SYNE2: variants seen among roughly 807,000 people sequenced by gnomAD.
SYNE2 encodes spectrin repeat containing nuclear envelope protein 2.
SYNE2 carries 431 observed loss-of-function variants against 856.3 expected under a neutral mutation model. The ratio of observed to expected loss-of-function variants is 0.50; its 90% CI spans 0.47 to 0.55. SYNE2 has a LOEUF of 0.55. SYNE2 is among the 20% of genes least tolerant of loss of function. The pLI is 0.00. For synonymous variants in SYNE2, 2,923 were observed against 2,872.3 expected (o/e 1.02, Z -0.56); for missense variants, 8,129 against 8,023.2 (o/e 1.01, Z -0.50).
At position 64,225,710 on chromosome 14, in the gene SYNE2, C is replaced by T. The variant is rs1443161065; in HGVS notation, c.*184C>T. ...GCAGCTTTCAGATTGTGTTCCTCCC[C>T]AGGAGCAGGGAACCTGTGTGGCAGG... On this transcript the variant is annotated 3_prime_UTR_variant, in exon 116 of 116. Transcript: ENST00000555002. 2 of 686,894 alleles carry T rather than the reference C, an allele frequency of 2.9e-6. No individual in the cohort carries two copies. The highest frequency in any genetic ancestry group is 1.8e-5 in the African/African-American group (1 of 56,234). The allele number at this position is 686,894 out of a possible 1,614,324, so 42.5% of individuals were successfully genotyped here.
intron 1 of SYNE2, among the ~76,000 whole-genome samples, chr14:63,906,280 C>G (rs11845761): frequency 0.062 from 9,503 of 152,066 alleles, 339 homozygotes; most frequent in Admixed American, 0.1. Context: ...TTAGTTGTGT[C>G]TTTGCCAAAT....
At chr14:63,782,467 C>CAAAAAA (rs35413633) in intron 1 of SYNE2, among the ~76,000 whole-genome samples, 16 of 49,578 alleles carry the variant, frequency 3.2e-4, no homozygotes, top group South Asian at 9.7e-4. Context: ...AACTCCATCT[C>CAAAAAA]AAAAAAAAAA....
intron 1 of SYNE2, among the ~76,000 whole-genome samples, chr14:63,818,701 CT>C (rs142248981): frequency 7.2e-4 from 96 of 133,796 alleles, no homozygotes; most frequent in Admixed American, 1.1e-3. Context: ...TTTTTCTTTT[CT>C]TTTTTTTTTT....
chr14:63,871,046 T>A (rs1896698113), intron 1 of SYNE2, among the ~76,000 whole-genome samples: 1 of 152,160 alleles, frequency 6.6e-6, no homozygotes, highest in Non-Finnish European at 1.5e-5. Context: ...GTTAGAATGC[T>A]AAGATTTGAT....
rs370060237 is a variant in SYNE2 at position 63,764,312 on chromosome 14, G to A, written c.-305+2326G>A. Reference sequence around the variant, plus strand: ...GAAACATAGAAGCCACTGTTTGAAAGAGAGAAACTAGTTCAGGGAATTGTT... The same window carrying A: ...GAAACATAGAAGCCACTGTTTGAAAAAGAGAAACTAGTTCAGGGAATTGTT... On this transcript the variant is annotated intron_variant, in intron 1 of 23. Coordinates refer to the SYNE2 transcript ENST00000674003. 1.9e-4 allele frequency among the ~76,000 whole-genome samples: 29 copies of A among 152,338 alleles called. No individual in the cohort carries two copies. In the South Asian group the frequency reaches 5.4e-3, roughly 28 times the overall value.
rs138514054 is a variant in SYNE2 at position 64,081,575 on chromosome 14, G to C, written c.11479G>C (p.Val3827Leu). The C allele has an allele frequency of 1.4e-3, 2,229 of 1,613,912 alleles. 4 individuals carry two copies. The highest frequency in any genetic ancestry group is 1.7e-3 in the Non-Finnish European group (2,017 of 1,180,010). ...LRTLSHHAST[V>L]QMALEDSEQK... ...GACACTGAGTCACCATGCTAGCACT[G>C]TGCAGGTAAGTGTTCTTCCAGGTTT... Residue 3827 changes from valine (V) to leucine (L), a missense_variant, in exon 57 of 116, where the codon GTG (valine) becomes CTG (leucine). Physicochemically the swap from Val to Leu is conservative, Grantham distance 32. Coordinates refer to ENST00000555002, the MANE Select transcript of SYNE2 (RefSeq NM_182914.3).
rs780676324 is a variant in SYNE2, at chr14:64,130,232, A to G, written c.14324A>G (p.Gln4775Arg). Residue 4775 changes from glutamine to arginine, a missense_variant, in exon 76 of 116, where the codon CAA becomes CGA. By Grantham distance (43) the Gln-to-Arg change is conservative (BLOSUM62 1). Coordinates refer to ENST00000555002, the MANE Select transcript of SYNE2 (RefSeq NM_182914.3). ...AAAAGTAAAGTGGCGTTACAGGCTCAAATAGAAAATCACAAGGTGAGACAG... is the reference window on the plus strand; with the variant it reads ...AAAAGTAAAGTGGCGTTACAGGCTCGAATAGAAAATCACAAGGTGAGACAG... The part of the protein sequence containing the change: ...QTKSKVALQA[Q>R]IENHKVFFQK... The G allele has an allele frequency of 6.2e-7, 1 of 1,612,686 alleles. No individual in the cohort carries two copies. Among genetic ancestry groups the G allele is most frequent in the South Asian group, 1.1e-5 (1 of 90,724 alleles).
At chr14:64,129,972 A>G (rs2097997316) in intron 75 of SYNE2, 71 bp downstream of exon 75, 2 of 1,613,700 alleles carry the variant, frequency 1.2e-6, no homozygotes, top group Non-Finnish European at 1.7e-6. Context: ...TTCCACCAGC[A>G]GAGTTTAGAT....
chr14:64,024,040 G>A (rs2096958456), intron 38 of SYNE2: 1 of 496,110 alleles, frequency 2.0e-6, no homozygotes, highest in Admixed American at 3.1e-5. Flanking sequence ...TCTTCCTGGT[G>A]GCTCTGTGTT....
intron 1 of SYNE2, among the ~76,000 whole-genome samples, chr14:63,804,589 G>A (rs1333317323): frequency 6.6e-6 from 1 of 152,072 alleles, no homozygotes; most frequent in African/African-American, 2.4e-5. Flanking sequence ...TGCCTCCCGG[G>A]TGCAAGCAAT....
chr14:63,791,586 T>G (rs918780006), intron 1 of SYNE2, among the ~76,000 whole-genome samples: 28 of 152,178 alleles, frequency 1.8e-4, no homozygotes, highest in Non-Finnish European at 3.5e-4. Context: ...AGCATTAGCC[T>G]GAAGTAACTG....
chr14:63,840,484 C>T, intron 1 of SYNE2, among the ~76,000 whole-genome samples: 1 of 147,168 alleles, frequency 6.8e-6, no homozygotes, highest in African/African-American at 2.5e-5. Flanking sequence ...CTTTTCCCTC[C>T]CTCCCTTCCC....
At chr14:63,869,649 A>C (rs1191535850) in intron 1 of SYNE2, among the ~76,000 whole-genome samples, 1 of 151,312 alleles carries the variant, frequency 6.6e-6, no homozygotes, top group Non-Finnish European at 1.5e-5. Context: ...AAAAAAAAAA[A>C]AAAAAAAAAA....
chr14:64,209,627 C>A, intron 102 of SYNE2, 49 bp downstream of exon 102: 1 of 1,609,364 alleles, frequency 6.2e-7, no homozygotes, highest in Non-Finnish European at 8.5e-7. Context: ...AAGCCTGCAG[C>A]GAGCCTGGGG....
intron 14 of SYNE2, among the ~76,000 whole-genome samples, chr14:63,980,305 G>C (rs559029305): frequency 6.6e-6 from 1 of 152,298 alleles, no homozygotes; most frequent in East Asian, 1.9e-4. Context: ...TGTGAAATAA[G>C]AGCAGCTGAC....
intron 96 of SYNE2, among the ~76,000 whole-genome samples, chr14:64,178,409 C>G (rs2098444081): frequency 6.6e-6 from 1 of 152,198 alleles, no homozygotes; most frequent in African/African-American, 2.4e-5. Flanking sequence ...ATCATTCTTA[C>G]ACATGTCCTA....
chr14:64,188,435 G>T, intron 97 of SYNE2, 115 bp from the exon 98 acceptor site: 2 of 1,179,698 alleles, frequency 1.7e-6, no homozygotes, highest in Non-Finnish European at 2.5e-6. Context: ...ACCAGACAAG[G>T]TTGAGTGCGG....
intron 45 of SYNE2, chr14:64,034,436 AT>A: frequency 2.2e-6 from 1 of 449,974 alleles, no homozygotes; most frequent in East Asian, 3.2e-5. Context: ...CCCCAGAAGA[AT>A]TTTTAGAAAG....
At chr14:64,081,902 C>T (rs1257285145) in intron 57 of SYNE2, among the ~76,000 whole-genome samples, 3 of 151,984 alleles carry the variant, frequency 2.0e-5, no homozygotes, top group Admixed American at 6.6e-5. Flanking sequence ...CTGGCTAACA[C>T]GGTGAAACCC....
Sources: allele counts gnomAD v4.1 joint callset (sites outside exome capture counted in the v4.1 genomes callset), GRCh38; gene constraint gnomAD v4.1.1; transcripts MANE v1.5; gene names NCBI Gene and HGNC (gene_info 2026-07-23, HGNC 2026-07-21).